Variants in BMPR1A observed in about 807,000 individuals in gnomAD.
BMPR1A encodes bone morphogenetic protein receptor type 1A.
A neutral mutation model predicts 66.0 loss-of-function variants in BMPR1A; 7 were observed. The observed-to-expected ratio is 0.11, with a 90% CI of 0.06 to 0.20. BMPR1A has a LOEUF of 0.20. Among genes scored for constraint, BMPR1A ranks in the 10% least tolerant of loss-of-function variants. BMPR1A has a pLI of 1.00. For missense variants in BMPR1A, 408 were observed against 669.1 expected, an observed-to-expected ratio of 0.61 and a Z score of 4.31; for synonymous variants, 200 against 229.7, an observed-to-expected ratio of 0.87 and a Z score of 1.17.
At chr10:86,874,471 T>C (rs367562191) in intron 2 of BMPR1A, among the ~76,000 whole-genome samples, 1 of 152,266 alleles carries the variant, frequency 6.6e-6, no homozygotes, top group East Asian at 1.9e-4. Flanking sequence ...AGTGGCGCAG[T>C]CTCAGCTTAC....
At chr10:86,779,648 G>T (rs1841405693) in intron 1 of BMPR1A, among the ~76,000 whole-genome samples, 1 of 151,978 alleles carries the variant, frequency 6.6e-6, no homozygotes, top group Admixed American at 6.6e-5. Flanking sequence ...TGCCCAGGCT[G>T]GAATGCTGTG....
intron 8 of BMPR1A, among the ~76,000 whole-genome samples, chr10:86,912,974 C>T (rs1336384992): frequency 6.6e-6 from 1 of 151,846 alleles, no homozygotes; most frequent in Non-Finnish European, 1.5e-5. Context: ...CCAGCAGGTT[C>T]ATTTATATAT....
chr10:86,760,203 T>C (rs1008899778), intron 1 of BMPR1A, among the ~76,000 whole-genome samples: 1 of 149,144 alleles, frequency 6.7e-6, no homozygotes, highest in East Asian at 1.9e-4. Context: ...TTTTTTTTTT[T>C]TTTTTTAATA....
intron 1 of BMPR1A, among the ~76,000 whole-genome samples, chr10:86,765,819 C>T (rs1198944717): frequency 6.6e-6 from 1 of 152,150 alleles, no homozygotes; most frequent in Non-Finnish European, 1.5e-5. Context: ...AAGATTGCCA[C>T]TGTTGAAAGT....
chr10:86,920,620 T>C (rs1200979864), intron 10 of BMPR1A, among the ~76,000 whole-genome samples: 1 of 152,214 alleles, frequency 6.6e-6, no homozygotes, highest in Non-Finnish European at 1.5e-5. Flanking sequence ...CAACGCATTA[T>C]ATTGATCACT....
At chr10:86,899,504 G>A (rs1843274597) in intron 5 of BMPR1A, among the ~76,000 whole-genome samples, 1 of 152,270 alleles carries the variant, frequency 6.6e-6, no homozygotes, top group Non-Finnish European at 1.5e-5. Context: ...GTACCACAGT[G>A]AGATTATATG....
At chr10:86,921,773 T>C in intron 11 of BMPR1A, 78 bp downstream of exon 11, 2 of 1,592,844 alleles carry the variant, frequency 1.3e-6, no homozygotes, top group Non-Finnish European at 1.7e-6. Flanking sequence ...TATAACTTTT[T>C]AGTTTTTAAT....
chr10:86,884,474 T>C (rs12247137), intron 3 of BMPR1A, among the ~76,000 whole-genome samples: 58,021 of 141,878 alleles, frequency 0.41, 14,116 homozygotes, highest in East Asian at 0.72. Flanking sequence ...AGTGCATTGG[T>C]GTGATCTTGT....
chr10:86,807,927 C>T (rs1335430247), intron 1 of BMPR1A, among the ~76,000 whole-genome samples: 5 of 152,146 alleles, frequency 3.3e-5, no homozygotes, highest in Non-Finnish European at 7.4e-5. Context: ...CCTCCATGCC[C>T]GGCTAATTTT....
At chr10:86,868,976 A>G (rs1312127002) in intron 2 of BMPR1A, among the ~76,000 whole-genome samples, 2 of 152,198 alleles carry the variant, frequency 1.3e-5, no homozygotes, top group African/African-American at 4.8e-5. Context: ...CATTTCGTCT[A>G]ACTATTCAAT....
At chr10:86,825,003 G>C (rs539559864) in intron 1 of BMPR1A, among the ~76,000 whole-genome samples, 1 of 151,412 alleles carries the variant, frequency 6.6e-6, no homozygotes, top group Admixed American at 6.6e-5. Flanking sequence ...AAATTTTAAC[G>C]TACACTATTA....
chr10:86,898,248 C>T (rs993991997), intron 5 of BMPR1A, among the ~76,000 whole-genome samples: 23 of 150,796 alleles, frequency 1.5e-4, no homozygotes, highest in Admixed American at 1.5e-3. Flanking sequence ...GTATATAACA[C>T]ATATATATAT....
At chr10:86,895,743 C>T (rs183515103) in intron 5 of BMPR1A, among the ~76,000 whole-genome samples, 1 of 151,816 alleles carries the variant, frequency 6.6e-6, no homozygotes, top group East Asian at 2.0e-4. Flanking sequence ...TTAAGAAATG[C>T]CTGGCCAGGT....
chr10:86,886,855 G>A (rs1297969255), intron 3 of BMPR1A, among the ~76,000 whole-genome samples: 1 of 122,760 alleles, frequency 8.1e-6, no homozygotes, highest in East Asian at 2.3e-4. Flanking sequence ...TTTTGAGATG[G>A]ATTTTCGCTC....
At chr10:86,890,916 C>T (rs1309314761) in intron 4 of BMPR1A, among the ~76,000 whole-genome samples, 1 of 152,032 alleles carries the variant, frequency 6.6e-6, no homozygotes, top group Non-Finnish European at 1.5e-5. Context: ...TCATGTAATT[C>T]TAGTCCATAT....
intron 1 of BMPR1A, among the ~76,000 whole-genome samples, chr10:86,761,810 G>A (rs775941759): frequency 3.3e-5 from 5 of 152,240 alleles, no homozygotes; most frequent in Non-Finnish European, 7.3e-5. Context: ...AGCTTGGAAA[G>A]CAGGGTAGAT....
In BMPR1A at chr10:86,790,234, T is replaced by TATATATATAA. The variant is rs1190481905; in HGVS notation, c.-268+33317_-268+33318insATATATAAAT. Among the ~76,000 whole-genome samples, 12 of 47,980 alleles carry TATATATATAA rather than the reference T, an allele frequency of 2.5e-4. 1 individual carries two copies. The highest frequency in any genetic ancestry group is 3.4e-4 in the Non-Finnish European group (8 of 23,676). The allele number at this position is 47,980 out of a possible 152,430, so 31.5% of individuals were successfully genotyped here. On this transcript the variant is annotated intron_variant, in intron 1 of 12. Coordinates refer to ENST00000372037, the MANE Select transcript of BMPR1A (RefSeq NM_004329.3). The stretch of plus-strand genomic sequence containing the variant: ...ATATATATATATATATATATATATA[T>TATATATATAA]ATCAAAACCACAATGAGATTCTGCT...
intron 1 of BMPR1A, among the ~76,000 whole-genome samples, chr10:86,772,420 G>A (rs755571293): frequency 2.6e-5 from 4 of 152,052 alleles, no homozygotes; most frequent in Non-Finnish European, 5.9e-5. Flanking sequence ...GTGAGCCACC[G>A]CGCCCGGCCA....
intron 1 of BMPR1A, among the ~76,000 whole-genome samples, chr10:86,765,543 G>A (rs1841149292): frequency 6.6e-6 from 1 of 151,416 alleles, no homozygotes; most frequent in African/African-American, 2.4e-5. Flanking sequence ...CTCCTCAGTG[G>A]TCCAAGCCTC....
Sources: allele counts gnomAD v4.1 joint callset (sites outside exome capture counted in the v4.1 genomes callset), GRCh38; gene constraint gnomAD v4.1.1; transcripts MANE v1.5; gene names NCBI Gene and HGNC (gene_info 2026-07-23, HGNC 2026-07-21).